CHM: variants seen among roughly 807,000 people sequenced by gnomAD.
CHM encodes the protein rab proteins geranylgeranyltransferase component A 1.
A neutral mutation model predicts 49.0 loss-of-function variants in CHM; 10 were observed. That is an observed-to-expected ratio of 0.20 (90% CI 0.13 to 0.35). CHM has a LOEUF of 0.35. CHM is among the 10% of genes least tolerant of loss of function. The probability of loss-of-function intolerance (pLI) is 1.00; values close to 1 mark genes in which losing one functional copy is unlikely to be tolerated. For missense variants in CHM, 455 were observed against 478.4 expected (o/e 0.95, Z 0.46); for synonymous variants, 184 against 167.5 (o/e 1.10, Z -0.76).
intron 8 of CHM, among the ~76,000 whole-genome samples, chrX:85,941,746 T>A (rs1929124473): frequency 9.0e-6 from 1 of 111,016 alleles, no homozygotes; most frequent in Non-Finnish European, 1.9e-5. Flanking sequence ...TACTATAATA[T>A]TTGTCTATTT....
chrX:86,000,339 A>G (rs1932644015), intron 2 of CHM, among the ~76,000 whole-genome samples: 1 of 108,471 alleles, frequency 9.2e-6, no homozygotes, highest in African/African-American at 3.3e-5. Flanking sequence ...TGAGGCACAG[A>G]AGTTATACAA....
chrX:85,977,108 ATATT>A (rs1488637061), intron 4 of CHM, among the ~76,000 whole-genome samples: 1 of 111,718 alleles, frequency 9.0e-6, no homozygotes, highest in African/African-American at 3.3e-5. Flanking sequence ...GCTAAGTGAG[ATATT>A]GTTAGTCCTA....
intron 1 of CHM, among the ~76,000 whole-genome samples, chrX:86,041,755 T>C (rs865952157): frequency 5.3e-5 from 5 of 95,105 alleles, no homozygotes; most frequent in African/African-American, 7.7e-5. Context: ...TATATATATA[T>C]ATACATATAT....
chrX:85,909,929 A>C (rs1298252089), intron 9 of CHM, among the ~76,000 whole-genome samples: 1 of 111,980 alleles, frequency 8.9e-6, no homozygotes, highest in Admixed American at 9.5e-5. Flanking sequence ...AAGTCTAAAG[A>C]CAACTATTCC....
chrX:86,034,394 A>G lies in CHM; in HGVS notation c.50-6837T>C, dbSNP rs146292097. Among the ~76,000 whole-genome samples, 24 of 112,069 alleles carry G rather than the reference A, an allele frequency of 2.1e-4. No homozygotes were observed. In the East Asian group the frequency reaches 6.5e-3, roughly 30 times the overall value. On this transcript the variant is annotated intron_variant, in intron 1 of 14. Coordinates refer to ENST00000357749, the MANE Select transcript of CHM (RefSeq NM_000390.4). Reference sequence around the variant, plus strand: ...AACCAAACTCCCAGGGACAACATCCATAACAAAGCAAGGTGATACAATATC... The same window carrying G: ...AACCAAACTCCCAGGGACAACATCCGTAACAAAGCAAGGTGATACAATATC...
At chrX:85,887,415 C>T (rs750421323) in intron 12 of CHM, among the ~76,000 whole-genome samples, 4 of 111,738 alleles carry the variant, frequency 3.6e-5, no homozygotes, top group Non-Finnish European at 5.6e-5. Context: ...TCCCCAGCCA[C>T]GTGGAACTGT....
intron 8 of CHM, among the ~76,000 whole-genome samples, chrX:85,941,328 G>C (rs1458480031): frequency 9.2e-6 from 1 of 109,021 alleles, no homozygotes; most frequent in Non-Finnish European, 1.9e-5. Context: ...ACATTCTCAT[G>C]CTCCACCCAG....
At position 85,973,157 on chromosome X, in the gene CHM, C is replaced by CAG. The variant is rs1569233519; in HGVS notation, c.314+5609_314+5610insCT. Among the ~76,000 whole-genome samples the CAG allele has an allele frequency of 9.4e-5, 10 of 106,067 alleles. No individual in the cohort carries two copies. In the East Asian group the frequency reaches 3.0e-3, roughly 31 times the overall value. 92.1% of individuals were successfully genotyped at this position (106,067 alleles called of 115,157 possible). The stretch of plus-strand genomic sequence containing the variant: ...CTACTAAAAATACAAAAATTAGCTG[C>CAG]GCATGGTGGCACGTGCCTGTAGTCC... On this transcript the variant is annotated intron_variant, in intron 4 of 14. Coordinates refer to ENST00000357749, the MANE Select transcript of CHM (RefSeq NM_000390.4).
intron 9 of CHM, among the ~76,000 whole-genome samples, chrX:85,909,115 T>A (rs755284553): frequency 6.5e-4 from 73 of 111,553 alleles, no homozygotes; most frequent in Non-Finnish European, 1.2e-3. Context: ...ATGGCACTAG[T>A]GGAAATCCAA....
At chrX:85,927,927 T>C (rs779217375) in intron 8 of CHM, among the ~76,000 whole-genome samples, 6 of 112,527 alleles carry the variant, frequency 5.3e-5, no homozygotes, top group Admixed American at 9.4e-5. Flanking sequence ...AGCCGAACTT[T>C]TGACAGCACT....
Position 85,894,202 on chromosome X carries a change from C to T in CHM, c.1496G>A (p.Cys499Tyr). The change falls in exon 12 of 15, where the codon TGC (cysteine) becomes TAC (tyrosine). Residue 499 changes from cysteine (C) to tyrosine (Y), a missense_variant. Physicochemically the swap from Cys to Tyr is radical, Grantham distance 194. Coordinates refer to ENST00000357749, the MANE Select transcript of CHM (RefSeq NM_000390.4). ...VIELCSSTMT[C>Y]MKGTYLVHLT... The stretch of plus-strand genomic sequence containing the variant: ...ACTATGCTTACAGGTGCCTTTCATG[C>T]ATGTCATCGTTGAAGAACATAACTC... 1 of 1,207,002 alleles carries T rather than the reference C, an allele frequency of 8.3e-7. No homozygotes were observed. Among genetic ancestry groups the T allele is most frequent in the Non-Finnish European group, 1.1e-6 (1 of 891,405 alleles).
At chrX:85,965,019 C>A (rs1332839597) in intron 4 of CHM, among the ~76,000 whole-genome samples, 1 of 100,135 alleles carries the variant, frequency 1.0e-5, no homozygotes, top group Non-Finnish European at 2.1e-5. Context: ...ATCAAATACC[C>A]CACAAAAAAA....
At chrX:85,998,100 G>T (rs1276698741) in intron 2 of CHM, among the ~76,000 whole-genome samples, 5 of 110,723 alleles carry the variant, frequency 4.5e-5, no homozygotes, top group Non-Finnish European at 9.4e-5. Flanking sequence ...TTCCTATATG[G>T]TCTCATTTCG....
At position 85,900,708 on chromosome X, in the gene CHM, G is replaced by T; in HGVS notation, c.1351C>A (p.Gln451Lys). 1 of 1,172,437 alleles carries T rather than the reference G, an allele frequency of 8.5e-7. No homozygotes were observed. Among genetic ancestry groups the T allele is most frequent in the Non-Finnish European group, 1.2e-6 (1 of 861,803 alleles). The change falls in exon 11 of 15, where the codon CAG becomes AAG. Residue 451 changes from glutamine (Q) to lysine (K), a missense_variant and splice_region_variant. Transcript: ENST00000357749. Reference sequence around the variant, plus strand: ...GTAATCAGCACTGCCCTGGAGATCTGCCTGTAATGCACAAAACAGTGAAGC... The same window carrying T: ...GTAATCAGCACTGCCCTGGAGATCTTCCTGTAATGCACAAAACAGTGAAGC... ...ENMCSRVQYR[Q>K]ISRAVLITDR... is the part of the protein sequence containing the mutation.
chrX:86,041,730 A>G (rs1384370657), intron 1 of CHM, among the ~76,000 whole-genome samples: 25 of 14,688 alleles, frequency 1.7e-3, no homozygotes, highest in African/African-American at 7.0e-3. Context: ...GTGTGTGTAT[A>G]TATATATATA....
chrX:85,961,978 T>A (rs1240746762), intron 5 of CHM, among the ~76,000 whole-genome samples: 1 of 112,126 alleles, frequency 8.9e-6, no homozygotes, highest in East Asian at 2.8e-4. Context: ...ATTCCTACAA[T>A]TGAAACAGCA....
intron 2 of CHM, among the ~76,000 whole-genome samples, chrX:85,992,097 T>C (rs1485507686): frequency 8.9e-6 from 1 of 111,849 alleles, no homozygotes; most frequent in Non-Finnish European, 1.9e-5. Flanking sequence ...AAGATTAGAA[T>C]ATTTAAATTA....
At chrX:85,958,809 AC>A in intron 6 of CHM, 51 bp downstream of exon 6, 1 of 1,207,916 alleles carries the variant, frequency 8.3e-7, no homozygotes, top group Admixed American at 2.2e-5. Flanking sequence ...TCCAAAACAA[AC>A]CATAATAACT....
chrX:85,957,794 G>A, intron 7 of CHM, 61 bp downstream of exon 7: 1 of 1,169,225 alleles, frequency 8.6e-7, no homozygotes, highest in Non-Finnish European at 1.2e-6. Context: ...ATCAGAGCAA[G>A]CATATTAAAA....
Sources: allele counts gnomAD v4.1 joint callset (sites outside exome capture counted in the v4.1 genomes callset), GRCh38; gene constraint gnomAD v4.1.1; transcripts MANE v1.5; gene names NCBI Gene and HGNC (gene_info 2026-07-23, HGNC 2026-07-21).